The following MRC1 variants were observed in gnomAD, a reference collection of about 807,000 sequenced individuals.
MRC1 encodes macrophage mannose receptor 1.
MRC1 carries 62 observed loss-of-function variants against 102.9 expected under a neutral mutation model. That is an observed-to-expected ratio of 0.60 (90% CI 0.49 to 0.74). MRC1 has a LOEUF of 0.74. Ranked by LOEUF, MRC1 falls within the 30% of genes least tolerant of loss-of-function variation. The pLI, the probability that MRC1 is intolerant of heterozygous loss-of-function variation, is 0.00. For missense variants in MRC1, 1,237 were observed against 862.8 expected, an observed-to-expected ratio of 1.43 and a Z score of -5.43; for synonymous variants, 457 against 298.4, an observed-to-expected ratio of 1.53 and a Z score of -5.48.
chr10:17,877,762 G>A, intron 17 of MRC1, 138 bp from the exon 18 acceptor site: 1 of 732,528 alleles, frequency 1.4e-6, no homozygotes, highest in East Asian at 2.5e-5. Context: ...ACATAATATA[G>A]AATGTACTAC....
At position 17,894,265 on chromosome 10, in the gene MRC1, A is replaced by G; in HGVS notation, c.3203A>G (p.Asp1068Gly). Residue 1068 changes from aspartate (D) to glycine (G), a missense_variant, in exon 23 of 30, where the codon GAT becomes GGT. Coordinates refer to ENST00000569591, the MANE Select transcript of MRC1 (RefSeq NM_002438.4). ...TCAAATGAAGCAGGAAAATGGATGGATGATACCTGCGACAGTAAACGAGGC... is the reference window on the plus strand; with the variant it reads ...TCAAATGAAGCAGGAAAATGGATGGGTGATACCTGCGACAGTAAACGAGGC... Reference protein sequence around the residue: ...GASNEAGKWMDDTCDSKRGYI... With the variant: ...GASNEAGKWMGDTCDSKRGYI... 1.1e-6 allele frequency: 1 copy of G among 872,560 alleles called. No individual in the cohort carries two copies. The highest frequency in any genetic ancestry group is 1.3e-5 in the South Asian group (1 of 76,520). The allele number at this position is 872,560 out of a possible 1,614,324, so 54.1% of individuals were successfully genotyped here.
At chr10:17,840,460 A>T (rs1838734170) in intron 4 of MRC1, among the ~76,000 whole-genome samples, 1 of 152,192 alleles carries the variant, frequency 6.6e-6, no homozygotes, top group Non-Finnish European at 1.5e-5. Context: ...GAACTTTAAA[A>T]ATCTTACCAG....
chr10:17,820,909 C>G (rs1332221616), intron 1 of MRC1, among the ~76,000 whole-genome samples: 4 of 152,170 alleles, frequency 2.6e-5, no homozygotes, highest in African/African-American at 9.6e-5. Context: ...GAGCAAAGCC[C>G]TATATTATCA....
Position 17,866,557 on chromosome 10 carries a change from T to G in MRC1, c.1784-5T>G. The G allele has an allele frequency of 1.3e-6, 1 of 780,850 alleles. No homozygotes were observed. 48.4% of individuals were successfully genotyped at this position (780,850 alleles called of 1,614,324 possible). Reference sequence around the variant, plus strand: ...AGTGAATTCTACTTCATATATTTAATGCAGGGCGAAAGCCAGGGTGTGTTG... The same window carrying G: ...AGTGAATTCTACTTCATATATTTAAGGCAGGGCGAAAGCCAGGGTGTGTTG... On this transcript the variant is annotated splice_region_variant and splice_polypyrimidine_tract_variant and intron_variant, in intron 11 of 29. Coordinates refer to ENST00000569591, the MANE Select transcript of MRC1 (RefSeq NM_002438.4).
chr10:17,900,502 G>A (rs691292), intron 24 of MRC1, among the ~76,000 whole-genome samples: 141,053 of 152,198 alleles, frequency 0.93, 65,500 homozygotes, highest in African/African-American at 0.98. Context: ...GCAAACAAGG[G>A]GAGTTTCACG....
intron 2 of MRC1, among the ~76,000 whole-genome samples, chr10:17,825,885 A>G (rs1157469255): frequency 1.3e-5 from 2 of 152,322 alleles, no homozygotes; most frequent in South Asian, 4.1e-4. Context: ...AGTGACTAAG[A>G]ATGGCGCAAT....
At chr10:17,811,364 T>C (rs1178102647) in intron 1 of MRC1, among the ~76,000 whole-genome samples, 2 of 152,166 alleles carry the variant, frequency 1.3e-5, no homozygotes, top group Non-Finnish European at 2.9e-5. Flanking sequence ...GCAATAGTGT[T>C]TCTCGGTTTG....
At chr10:17,896,488 C>A (rs1042946288) in intron 23 of MRC1, among the ~76,000 whole-genome samples, 1 of 152,154 alleles carries the variant, frequency 6.6e-6, no homozygotes, top group African/African-American at 2.4e-5. Context: ...GTGATTCACA[C>A]GCTTATTTAA....
intron 26 of MRC1, among the ~76,000 whole-genome samples, chr10:17,902,703 A>G (rs1229417108): frequency 1.3e-5 from 2 of 152,162 alleles, no homozygotes; most frequent in African/African-American, 2.4e-5. Flanking sequence ...TCTCCATCCA[A>G]CAGTGGTACG....
chr10:17,858,910 A>G (rs1253908667), intron 9 of MRC1, among the ~76,000 whole-genome samples: 1 of 152,180 alleles, frequency 6.6e-6, no homozygotes, highest in African/African-American at 2.4e-5. Flanking sequence ...AAACTTCTGA[A>G]ACTTATTATA....
intron 8 of MRC1, among the ~76,000 whole-genome samples, chr10:17,855,338 G>A (rs896399071): frequency 0.013 from 2,039 of 151,876 alleles, 52 homozygotes; most frequent in African/African-American, 0.047. Context: ...TTGGGAGGCC[G>A]AGGCAGGCGG....
At chr10:17,860,343 A>T (rs896557224) in intron 9 of MRC1, among the ~76,000 whole-genome samples, 3 of 150,114 alleles carry the variant, frequency 2.0e-5, no homozygotes, top group Non-Finnish European at 4.4e-5. Flanking sequence ...GTGATTGATC[A>T]TGGCTCACTG....
intron 1 of MRC1, among the ~76,000 whole-genome samples, chr10:17,815,807 T>G (rs536886536): frequency 6.3e-4 from 94 of 150,272 alleles, no homozygotes; most frequent in African/African-American, 2.1e-3. Flanking sequence ...TTTTCTTTTG[T>G]TCAACATTTC....
chr10:17,889,076 A>AGC (rs1833639453), intron 22 of MRC1, among the ~76,000 whole-genome samples: 1 of 152,200 alleles, frequency 6.6e-6, no homozygotes, highest in African/African-American at 2.4e-5. Flanking sequence ...TGAAATTAAT[A>AGC]TAGCTGGTCT....
At chr10:17,855,319 C>T (rs1833070246) in intron 8 of MRC1, among the ~76,000 whole-genome samples, 1 of 152,076 alleles carries the variant, frequency 6.6e-6, no homozygotes, top group African/African-American at 2.4e-5. Context: ...CGCCTGTGAT[C>T]CCAGCACTTT....
chr10:17,871,832 G>A lies in MRC1; in HGVS notation c.2200-150G>A, dbSNP rs1447921734. 1.3e-5 allele frequency: 9 copies of A among 681,618 alleles called. No individual in the cohort carries two copies. The East Asian group carries it at 2.0e-4, about 15-fold the overall frequency. The allele number at this position is 681,618 out of a possible 1,614,324, so 42.2% of individuals were successfully genotyped here. A position where few individuals can be genotyped will look rare whatever the true frequency, so the allele number is the denominator to read the frequency against. ...AAGCTGTTTCTTTTCTACTACGTTT[G>A]TGAACTGTGCTTTCAAAGCAAAGCT... On this transcript the variant is annotated intron_variant, in intron 14 of 29. Transcript: ENST00000569591.
At chr10:17,837,383 G>A (rs927897211) in intron 4 of MRC1, among the ~76,000 whole-genome samples, 12 of 152,260 alleles carry the variant, frequency 7.9e-5, no homozygotes, top group Admixed American at 2.6e-4. Flanking sequence ...ATAGGGGAAA[G>A]ATATTCCCTC....
intron 3 of MRC1, among the ~76,000 whole-genome samples, chr10:17,829,826 T>C (rs1589167536): frequency 1.3e-5 from 2 of 151,602 alleles, no homozygotes; most frequent in African/African-American, 4.9e-5. Context: ...GGACAAGTGG[T>C]AAGTTACTAA....
chr10:17,899,431 GGC>G (rs1207795862), intron 24 of MRC1, among the ~76,000 whole-genome samples: 23 of 152,002 alleles, frequency 1.5e-4, no homozygotes, highest in Admixed American at 1.5e-3. Flanking sequence ...TTTTCATTGT[GGC>G]AATATTTATG....
Sources: gnomAD v4.1 joint callset for allele counts (sites outside exome capture counted in the v4.1 genomes callset) on GRCh38, gnomAD v4.1.1 for gene constraint, MANE v1.5 for transcripts, NCBI Gene and HGNC (gene_info 2026-07-23, HGNC 2026-07-21) for gene names.